The following TNRC6B variants were observed in gnomAD, a reference collection of about 807,000 sequenced individuals.
The protein encoded by TNRC6B is trinucleotide repeat-containing gene 6B protein.
TNRC6B carries 52 observed loss-of-function variants against 203.6 expected under a neutral mutation model. The observed-to-expected ratio is 0.26, with a 90% CI of 0.20 to 0.32. The LOEUF is 0.32. Ranked by LOEUF, TNRC6B falls within the 10% of genes least tolerant of loss-of-function variation. The pLI, the probability that TNRC6B is intolerant of heterozygous loss-of-function variation, is 1.00. For missense variants in TNRC6B, 1,923 were observed against 2,286.2 expected, an observed-to-expected ratio of 0.84 and a Z score of 3.24; for synonymous variants, 838 against 845.7, an observed-to-expected ratio of 0.99 and a Z score of 0.16.
intron 1 of TNRC6B, among the ~76,000 whole-genome samples, chr22:40,229,520 G>T (rs560163130): frequency 6.6e-6 from 1 of 151,806 alleles, no homozygotes; most frequent in East Asian, 1.9e-4. Flanking sequence ...TTACAATGCG[G>T]TAAGTTTCAA....
chr22:40,227,113 T>TTTG (rs1223098278), intron 1 of TNRC6B, among the ~76,000 whole-genome samples: 1 of 143,568 alleles, frequency 7.0e-6, no homozygotes, highest in African/African-American at 2.7e-5. Context: ...ATTATTATTA[T>TTTG]TATTTGTATT....
intron 1 of TNRC6B, among the ~76,000 whole-genome samples, chr22:40,197,583 A>G (rs2069357794): frequency 6.7e-6 from 1 of 149,234 alleles, no homozygotes; most frequent in Admixed American, 6.7e-5. Flanking sequence ...CACCGCACCC[A>G]GCCGAAAGGC....
intron 1 of TNRC6B, among the ~76,000 whole-genome samples, chr22:40,228,437 A>G (rs1304497253): frequency 1.3e-5 from 2 of 151,978 alleles, no homozygotes; most frequent in African/African-American, 2.4e-5. Flanking sequence ...TCTCAAAAAT[A>G]AAATAAAACA....
intron 1 of TNRC6B, among the ~76,000 whole-genome samples, chr22:40,223,613 T>A (rs1478525892): frequency 6.6e-6 from 1 of 152,262 alleles, no homozygotes; most frequent in East Asian, 1.9e-4. Context: ...CTGCTTGTTA[T>A]AATTGCATAG....
At chr22:40,173,889 C>T (rs1480459555), upstream of TNRC6B, among the ~76,000 whole-genome samples, 1 of 143,406 alleles carries the variant, frequency 7.0e-6, no homozygotes, top group Admixed American at 7.1e-5. Context: ...CTGCAACCAC[C>T]ATCTCCCAGG....
chr22:40,211,923 CCT>C (rs2069569392), intron 1 of TNRC6B, among the ~76,000 whole-genome samples: 1 of 152,206 alleles, frequency 6.6e-6, no homozygotes, highest in Non-Finnish European at 1.5e-5. Flanking sequence ...CTTCCTAACT[CCT>C]CTTTCCTTTC....
intron 1 of TNRC6B, among the ~76,000 whole-genome samples, chr22:40,104,498 G>T (rs1407554632): frequency 6.6e-6 from 1 of 152,130 alleles, no homozygotes; most frequent in African/African-American, 2.4e-5. Flanking sequence ...TTTGGAGTCA[G>T]TTTATTCATT....
At chr22:40,298,826 C>T (rs905356485) in intron 12 of TNRC6B, among the ~76,000 whole-genome samples, 3 of 152,094 alleles carry the variant, frequency 2.0e-5, no homozygotes, top group Non-Finnish European at 4.4e-5. Flanking sequence ...ATTAGCCGGG[C>T]GCAGTGGCGG....
At chr22:40,303,345 T>A (rs1279612658) in intron 15 of TNRC6B, among the ~76,000 whole-genome samples, 1 of 152,074 alleles carries the variant, frequency 6.6e-6, no homozygotes, top group Admixed American at 6.6e-5. Context: ...TTACTTCTAA[T>A]GGCTAAAGGA....
intron 1 of TNRC6B, among the ~76,000 whole-genome samples, chr22:40,113,006 C>T (rs1221109343): frequency 6.6e-6 from 1 of 152,122 alleles, no homozygotes; most frequent in Non-Finnish European, 1.5e-5. Flanking sequence ...ACTCAGGAGG[C>T]TGAGGCAGGA....
chr22:40,188,300 G>A (rs2069230415), intron 1 of TNRC6B, among the ~76,000 whole-genome samples: 1 of 152,052 alleles, frequency 6.6e-6, no homozygotes, highest in Non-Finnish European at 1.5e-5. Flanking sequence ...CTGGTTTTTG[G>A]TTACTACATG....
At chr22:40,247,761 T>A (rs920086712) in intron 2 of TNRC6B, among the ~76,000 whole-genome samples, 5 of 151,858 alleles carry the variant, frequency 3.3e-5, no homozygotes, top group African/African-American at 4.8e-5. Context: ...AATTCTGGAG[T>A]GAAAAGTCTA....
At chr22:40,224,788 A>ATAT (rs1189219959) in intron 1 of TNRC6B, among the ~76,000 whole-genome samples, 1 of 151,990 alleles carries the variant, frequency 6.6e-6, no homozygotes, top group Non-Finnish European at 1.5e-5. Context: ...TTTTCACGCA[A>ATAT]GGTATGAGGT....
At position 40,328,617 on chromosome 22, in the gene TNRC6B, T is replaced by G. The variant is rs1365719922; in HGVS notation, c.*5376T>G. On this transcript the variant is annotated 3_prime_UTR_variant, in exon 23 of 23. Transcript: ENST00000454349. Reference sequence around the variant, plus strand: ...CTCAGATGCTGTGTACTTTTTAATTTCATTTTTTATATTCTGCCATCTTGA... The same window carrying G: ...CTCAGATGCTGTGTACTTTTTAATTGCATTTTTTATATTCTGCCATCTTGA... The G allele has an allele frequency of 6.6e-6, 1 of 152,216 alleles. No homozygotes were observed. The highest frequency in any genetic ancestry group is 1.5e-5 in the Non-Finnish European group (1 of 68,042). 9.4% of individuals were successfully genotyped at this position (152,216 alleles called of 1,614,324 possible). A position where few individuals can be genotyped will look rare whatever the true frequency, so the allele number is the denominator to read the frequency against.
At chr22:40,255,579 A>G (rs2070262567) in intron 3 of TNRC6B, among the ~76,000 whole-genome samples, 1 of 152,222 alleles carries the variant, frequency 6.6e-6, no homozygotes, top group African/African-American at 2.4e-5. Context: ...TGCCCCTAAG[A>G]GAGTGAATGA....
At chr22:40,176,381 C>T, upstream of TNRC6B, among the ~76,000 whole-genome samples, 1 of 152,110 alleles carries the variant, frequency 6.6e-6, no homozygotes, top group East Asian at 1.9e-4. Context: ...CCTGCCTCGG[C>T]CTCCCAAAGT....
At chr22:40,185,775 G>A (rs576818750) in intron 1 of TNRC6B, among the ~76,000 whole-genome samples, 16 of 152,106 alleles carry the variant, frequency 1.1e-4, no homozygotes, top group Admixed American at 7.2e-4. Context: ...GGACTTGGTG[G>A]GGGGGCACTG....
At position 40,323,927 on chromosome 22, in the gene TNRC6B, GTC is replaced by G. The variant is rs2079357669; in HGVS notation, c.*690_*691del. ...TGTGCATTCGCGTGCATCCTTCTCT[GTC>G]TCTGTGTGTGTGCCTGTGTTCTTCC... On this transcript the variant is annotated 3_prime_UTR_variant, in exon 23 of 23. Transcript: ENST00000454349. The G allele has an allele frequency of 6.6e-6, 1 of 152,434 alleles. No homozygotes were observed. The highest frequency in any genetic ancestry group is 1.5e-5 in the Non-Finnish European group (1 of 68,192). The allele number at this position is 152,434 out of a possible 1,614,324, so 9.4% of individuals were successfully genotyped here.
intron 8 of TNRC6B, among the ~76,000 whole-genome samples, chr22:40,277,600 GACAAATGA>G (rs988426309): frequency 2.0e-5 from 3 of 152,218 alleles, no homozygotes; most frequent in African/African-American, 7.2e-5. Context: ...GTTGCCAAAA[GACAAATGA>G]CTTGACTTGG....
Sources: gnomAD v4.1 joint callset for allele counts (sites outside exome capture counted in the v4.1 genomes callset) on GRCh38, gnomAD v4.1.1 for gene constraint, MANE v1.5 for transcripts, NCBI Gene and HGNC (gene_info 2026-07-23, HGNC 2026-07-21) for gene names.